Variants in SYNPO2 observed in about 807,000 individuals in gnomAD.
SYNPO2 encodes synaptopodin-2.
Under a neutral mutation model 85.0 loss-of-function variants are expected in SYNPO2, and 56 were observed. That is an observed-to-expected ratio of 0.66 (90% CI 0.53 to 0.82). The LOEUF is 0.82. Ranked by LOEUF, SYNPO2 falls within the 40% of genes least tolerant of loss-of-function variation. The probability of loss-of-function intolerance (pLI) is 0.00; values close to 1 mark genes in which losing one functional copy is unlikely to be tolerated. For synonymous variants in SYNPO2, 602 were observed against 591.1 expected, an observed-to-expected ratio of 1.02 and a Z score of -0.27; for missense variants, 1,575 against 1,534.2, an observed-to-expected ratio of 1.03 and a Z score of -0.44.
At chr4:118,893,348 A>G (rs1732437749) in intron 1 of SYNPO2, among the ~76,000 whole-genome samples, 1 of 152,226 alleles carries the variant, frequency 6.6e-6, no homozygotes, top group African/African-American at 2.4e-5. Context: ...GCACATATGT[A>G]GCTTACATGT....
intron 4 of SYNPO2, 65 bp downstream of exon 4, chr4:119,032,092 A>G (rs1009310030): frequency 3.8e-6 from 6 of 1,576,422 alleles, no homozygotes; most frequent in African/African-American, 1.3e-5. Context: ...ACTTTGCTTG[A>G]AATGAATTGT....
intron 2 of SYNPO2, 102 bp downstream of exon 2, chr4:119,023,683 G>T: frequency 7.6e-7 from 1 of 1,324,120 alleles, no homozygotes; most frequent in Non-Finnish European, 1.0e-6. Flanking sequence ...AGAAATTAGG[G>T]GTGCTTTGTA....
At chr4:118,923,110 T>C (rs1733593048) in intron 1 of SYNPO2, among the ~76,000 whole-genome samples, 2 of 152,040 alleles carry the variant, frequency 1.3e-5, no homozygotes, top group South Asian at 4.1e-4. Context: ...CTTCAGAAAA[T>C]TGGCGTTTCC....
intron 1 of SYNPO2, among the ~76,000 whole-genome samples, chr4:118,863,125 T>C (rs1731640601): frequency 6.6e-6 from 1 of 152,182 alleles, no homozygotes; most frequent in Non-Finnish European, 1.5e-5. Flanking sequence ...TTTTCTTTTT[T>C]CAAATGTGTA....
intron 4 of SYNPO2, chr4:119,038,415 A>C (rs1392062688): frequency 1.0e-6 from 1 of 985,294 alleles, no homozygotes; most frequent in Non-Finnish European, 1.2e-6. Flanking sequence ...GACTTCTCAA[A>C]ATTCTTTCAT....
chr4:118,888,513 C>T (rs1419153035), upstream of SYNPO2, among the ~76,000 whole-genome samples: 1 of 152,222 alleles, frequency 6.6e-6, no homozygotes, highest in Non-Finnish European at 1.5e-5. Context: ...ATCTAATCCT[C>T]TAGTAGTTGA....
intron 1 of SYNPO2, among the ~76,000 whole-genome samples, chr4:118,967,965 G>A (rs1309279417): frequency 1.3e-5 from 2 of 151,876 alleles, no homozygotes; most frequent in African/African-American, 2.4e-5. Context: ...TCTATAAAAT[G>A]TCTAACTATG....
intron 1 of SYNPO2, among the ~76,000 whole-genome samples, chr4:118,919,362 C>A (rs542184992): frequency 1.3e-5 from 2 of 152,096 alleles, no homozygotes; most frequent in African/African-American, 4.8e-5. Flanking sequence ...TAGCCATACT[C>A]CCCTCTCATA....
chr4:119,007,728 A>G (rs1737135454), intron 1 of SYNPO2, among the ~76,000 whole-genome samples: 1 of 151,998 alleles, frequency 6.6e-6, no homozygotes, highest in Admixed American at 6.6e-5. Flanking sequence ...CTACAATCAC[A>G]TCCTTTCCTA....
intron 4 of SYNPO2, chr4:119,035,450 A>G: frequency 4.1e-6 from 4 of 985,438 alleles, no homozygotes; most frequent in Non-Finnish European, 4.8e-6. Flanking sequence ...TTAGAGAGGA[A>G]AACAAACACA....
At chr4:118,985,059 C>G (rs1194210701) in intron 1 of SYNPO2, among the ~76,000 whole-genome samples, 1 of 152,106 alleles carries the variant, frequency 6.6e-6, no homozygotes, top group East Asian at 1.9e-4. Context: ...GTGAAGATTC[C>G]CAGGCTCCAA....
intron 4 of SYNPO2, among the ~76,000 whole-genome samples, chr4:119,047,933 T>C (rs561039356): frequency 1.3e-5 from 2 of 152,342 alleles, no homozygotes; most frequent in African/African-American, 4.8e-5. Context: ...CCCTAACTAA[T>C]TCCAATCTCT....
At chr4:118,868,748 T>G (rs1731746472) in intron 1 of SYNPO2, among the ~76,000 whole-genome samples, 1 of 152,192 alleles carries the variant, frequency 6.6e-6, no homozygotes, top group Non-Finnish European at 1.5e-5. Context: ...TTACCCAAGT[T>G]AGAAAGAAGG....
chr4:118,972,001 G>C (rs1735557295), intron 1 of SYNPO2, among the ~76,000 whole-genome samples: 1 of 152,144 alleles, frequency 6.6e-6, no homozygotes, highest in Non-Finnish European at 1.5e-5. Context: ...ACTCTACAGT[G>C]GTCTTGAACA....
chr4:118,876,673 CTTTCTTTCTTTCTTTCTT>C (rs1731921792), intron 1 of SYNPO2, among the ~76,000 whole-genome samples: 2 of 5,726 alleles, frequency 3.5e-4, no homozygotes, highest in African/African-American at 1.5e-3. Context: ...CTTTCTCTTT[CTTTCTTTCTTTCTTTCTT>C]TCTTTCTTTC....
chr4:119,025,022 A>T (rs1366891035), intron 2 of SYNPO2, among the ~76,000 whole-genome samples: 1 of 152,234 alleles, frequency 6.6e-6, no homozygotes, highest in Non-Finnish European at 1.5e-5. Context: ...GGACTTGATG[A>T]ATACCTATGT....
Position 118,896,960 on chromosome 4 carries a change from A to T in SYNPO2, c.105+7819A>T, listed in dbSNP as rs1024852954. Among the ~76,000 whole-genome samples the T allele has an allele frequency of 1.1e-3, 83 of 78,432 alleles. 1 individual carries two copies. Among genetic ancestry groups the T allele is most frequent in the African/African-American group, 2.8e-3 (83 of 29,500 alleles). The allele number at this position is 78,432 out of a possible 152,430, so 51.5% of individuals were successfully genotyped here. ...GAAGCAGTGTGGGTGCTGGATTGAT[A>T]AAAAAAAAAAATGAAGGATGACCTT... On this transcript the variant is annotated intron_variant, in intron 1 of 4. Transcript: ENST00000307142.
rs531517086 is a variant in SYNPO2, at chr4:118,931,866, T to C, written c.105+42725T>C. On this transcript the variant is annotated intron_variant, in intron 1 of 4. Coordinates refer to ENST00000307142, the MANE Select transcript of SYNPO2 (RefSeq NM_133477.3). ...CACATAATAAAAAAATCAGTAAATG[T>C]TTGTCTATTTCCTGGGTGAAAACTC... Among the ~76,000 whole-genome samples, 12 of 152,324 alleles carry C rather than the reference T, an allele frequency of 7.9e-5. No individual in the cohort carries two copies. In the East Asian group the frequency reaches 2.3e-3, roughly 29 times the overall value.
intron 1 of SYNPO2, among the ~76,000 whole-genome samples, chr4:118,938,095 GA>G (rs1560886768): frequency 6.6e-6 from 1 of 152,136 alleles, no homozygotes; most frequent in African/African-American, 2.4e-5. Context: ...CTGAGGTCAG[GA>G]GTTCAAGCAC....
Sources: gnomAD v4.1 joint callset for allele counts (sites outside exome capture counted in the v4.1 genomes callset) on GRCh38, gnomAD v4.1.1 for gene constraint, MANE v1.5 for transcripts, NCBI Gene and HGNC (gene_info 2026-07-23, HGNC 2026-07-21) for gene names.